GALNTL6: variants seen among roughly 807,000 people sequenced by gnomAD.
GALNTL6 encodes polypeptide N-acetylgalactosaminyltransferase like 6, also known as polypeptide N-acetylgalactosaminyltransferase-like 6.
In GALNTL6, 46 loss-of-function variants were observed where a neutral mutation model predicts 73.7. The ratio of observed to expected loss-of-function variants is 0.62; its 90% CI spans 0.49 to 0.80. The LOEUF is 0.80. Ranked by LOEUF, GALNTL6 falls within the 30% of genes least tolerant of loss-of-function variation. The probability of loss-of-function intolerance (pLI) is 0.00; values close to 1 mark genes in which losing one functional copy is unlikely to be tolerated. For missense variants in GALNTL6, 604 were observed against 755.0 expected, an observed-to-expected ratio of 0.80 and a Z score of 2.34; for synonymous variants, 259 against 263.7, an observed-to-expected ratio of 0.98 and a Z score of 0.17.
chr4:171,879,126 G>A (rs1290338107), intron 2 of GALNTL6, among the ~76,000 whole-genome samples: 1 of 152,130 alleles, frequency 6.6e-6, no homozygotes, highest in Non-Finnish European at 1.5e-5. Flanking sequence ...GAGAATCACA[G>A]AATAGGATGT....
At chr4:171,991,794 C>A (rs757465407) in intron 2 of GALNTL6, among the ~76,000 whole-genome samples, 4 of 144,390 alleles carry the variant, frequency 2.8e-5, no homozygotes, top group Non-Finnish European at 4.5e-5. Flanking sequence ...ATGTATATTA[C>A]ATATTTGAGC....
At chr4:172,467,361 C>T (rs1040617764) in intron 5 of GALNTL6, among the ~76,000 whole-genome samples, 2 of 152,176 alleles carry the variant, frequency 1.3e-5, no homozygotes, top group Admixed American at 6.5e-5. Flanking sequence ...CAGTAAATTT[C>T]GTAGGGTTCA....
At chr4:172,959,687 A>G (rs372278788) in intron 10 of GALNTL6, among the ~76,000 whole-genome samples, 1 of 152,150 alleles carries the variant, frequency 6.6e-6, no homozygotes, top group Non-Finnish European at 1.5e-5. Flanking sequence ...GCCTTGGGCC[A>G]GAGTTCCAGG....
intron 2 of GALNTL6, among the ~76,000 whole-genome samples, chr4:171,992,588 G>A (rs963804775): frequency 6.6e-6 from 1 of 151,860 alleles, no homozygotes. Flanking sequence ...ATTCTGATTC[G>A]GTCTGTAATG....
chr4:173,036,132 T>C lies in GALNTL6; in HGVS notation c.1639-3801T>C, dbSNP rs556257305. The stretch of plus-strand genomic sequence containing the variant: ...AAGATTACATAGCAGGACTGAAATT[T>C]GATGAATCCCCTACGCCACAAATCC... On this transcript the variant is annotated intron_variant, in intron 12 of 12. Coordinates refer to ENST00000506823, the MANE Select transcript of GALNTL6 (RefSeq NM_001034845.3). 5.3e-5 allele frequency among the ~76,000 whole-genome samples: 8 copies of C among 152,312 alleles called. No homozygotes were observed. The South Asian group carries it at 1.2e-3, about 24-fold the overall frequency.
chr4:172,259,553 G>C (rs967907256), intron 3 of GALNTL6, among the ~76,000 whole-genome samples: 1 of 151,158 alleles, frequency 6.6e-6, no homozygotes, highest in Non-Finnish European at 1.5e-5. Flanking sequence ...CTCCCACTCT[G>C]TGGGTTATCT....
chr4:172,593,699 T>A (rs2877717), intron 5 of GALNTL6, among the ~76,000 whole-genome samples: 4,691 of 152,082 alleles, frequency 0.031, 116 homozygotes, highest in South Asian at 0.085. Flanking sequence ...AGATGCTTTT[T>A]TGTTGTGGTG....
At chr4:172,072,147 A>T (rs1038323266) in intron 2 of GALNTL6, among the ~76,000 whole-genome samples, 16 of 152,070 alleles carry the variant, frequency 1.1e-4, no homozygotes, top group Middle Eastern at 3.2e-3. Flanking sequence ...CCCACTTCAC[A>T]TGGTAAATTA....
At chr4:172,545,842 T>C (rs1438662914) in intron 5 of GALNTL6, 1 of 152,176 alleles carries the variant, frequency 6.6e-6, no homozygotes, top group Admixed American at 6.5e-5. Flanking sequence ...CTGTGGCCTA[T>C]ATATTGAGTG....
intron 5 of GALNTL6, among the ~76,000 whole-genome samples, chr4:172,677,128 A>C (rs1732347943): frequency 6.6e-6 from 1 of 152,226 alleles, no homozygotes; most frequent in African/African-American, 2.4e-5. Flanking sequence ...AATATTTATC[A>C]GAAATAACTA....
intron 5 of GALNTL6, among the ~76,000 whole-genome samples, chr4:172,504,924 T>A (rs1293445249): frequency 3.6e-5 from 2 of 55,686 alleles, no homozygotes; most frequent in African/African-American, 8.9e-5. Context: ...CTGAAAGGTC[T>A]TGCTAAATGA....
chr4:172,323,270 C>T (rs1740821293), intron 4 of GALNTL6, among the ~76,000 whole-genome samples: 1 of 152,096 alleles, frequency 6.6e-6, no homozygotes, highest in Non-Finnish European at 1.5e-5. Flanking sequence ...GCAGTCCAGA[C>T]TAATTTTTCA....
intron 8 of GALNTL6, among the ~76,000 whole-genome samples, chr4:172,913,241 A>G (rs1579645312): frequency 6.6e-6 from 1 of 152,234 alleles, no homozygotes; most frequent in East Asian, 1.9e-4. Flanking sequence ...GTAGGTCACC[A>G]TCATCAAAGA....
chr4:172,705,017 T>C (rs998474769), intron 5 of GALNTL6, among the ~76,000 whole-genome samples: 6 of 151,992 alleles, frequency 3.9e-5, no homozygotes, highest in African/African-American at 1.4e-4. Context: ...TGCCCTTTTG[T>C]GGTTTCAATT....
At chr4:172,983,618 C>T (rs1483403639) in intron 10 of GALNTL6, among the ~76,000 whole-genome samples, 1 of 152,132 alleles carries the variant, frequency 6.6e-6, no homozygotes, top group Non-Finnish European at 1.5e-5. Context: ...TCACTTGAAC[C>T]TAGGAGGCAG....
intron 5 of GALNTL6, among the ~76,000 whole-genome samples, chr4:172,568,757 CA>C (rs71592082): frequency 1.5e-5 from 1 of 67,078 alleles, no homozygotes; most frequent in African/African-American, 6.5e-5. Flanking sequence ...GACTCCATCT[CA>C]AAAAAAAAAA....
intron 2 of GALNTL6, among the ~76,000 whole-genome samples, chr4:172,048,721 G>T (rs1018934470): frequency 1.3e-5 from 2 of 151,854 alleles, no homozygotes; most frequent in Non-Finnish European, 2.9e-5. Flanking sequence ...CCACTGAAAA[G>T]TTTTTCATTT....
chr4:172,551,915 T>A (rs1250082839), intron 5 of GALNTL6, among the ~76,000 whole-genome samples: 1 of 152,048 alleles, frequency 6.6e-6, no homozygotes, highest in Non-Finnish European at 1.5e-5. Context: ...AAAGAAAAAT[T>A]CAAGTGTGCA....
At chr4:172,515,116 G>A (rs1734557273) in intron 5 of GALNTL6, among the ~76,000 whole-genome samples, 1 of 152,240 alleles carries the variant, frequency 6.6e-6, no homozygotes, top group Non-Finnish European at 1.5e-5. Context: ...GCAGCTATGA[G>A]ATGTAGATGT....
Sources: gnomAD v4.1 joint callset for allele counts (sites outside exome capture counted in the v4.1 genomes callset) on GRCh38, gnomAD v4.1.1 for gene constraint, MANE v1.5 for transcripts, NCBI Gene and HGNC (gene_info 2026-07-23, HGNC 2026-07-21) for gene names.